Variants in TLL1 observed in about 807,000 individuals in gnomAD.
TLL1 encodes tolloid-like protein 1.
In TLL1, 49 loss-of-function variants were observed where a neutral mutation model predicts 128.2. The ratio of observed to expected loss-of-function variants is 0.38; its 90% CI spans 0.30 to 0.48. The LOEUF (loss-of-function observed/expected upper bound fraction) is 0.48, where lower values mean the gene tolerates loss of function less well. Among genes scored for constraint, TLL1 ranks in the 20% least tolerant of loss-of-function variants. The probability of loss-of-function intolerance (pLI) is 0.96; values close to 1 mark genes in which losing one functional copy is unlikely to be tolerated. For synonymous variants in TLL1, 454 were observed against 418.8 expected, an observed-to-expected ratio of 1.08 and a Z score of -1.03; for missense variants, 1,123 against 1,242.0, an observed-to-expected ratio of 0.90 and a Z score of 1.44.
In TLL1 at chr4:166,065,298, A is replaced by G. The variant is rs1177621587; in HGVS notation, c.2008-385A>G. ...CTTTTTTATTATACATCAAGTATCC[A>G]TCTTTCTCTTTTAAAGTTACTAATG... On this transcript the variant is annotated intron_variant, in intron 15 of 20. Transcript: ENST00000061240. 2.0e-5 allele frequency among the ~76,000 whole-genome samples: 3 copies of G among 152,204 alleles called. No individual in the cohort carries two copies. In the East Asian group the frequency reaches 5.8e-4, roughly 29 times the overall value.
At chr4:165,992,683 T>G in intron 2 of TLL1, 121 bp from the exon 3 acceptor site, 1 of 880,190 alleles carries the variant, frequency 1.1e-6, no homozygotes, top group Non-Finnish European at 1.8e-6. Flanking sequence ...ATTCATAATT[T>G]CAACACTTTA....
Position 166,104,142 on chromosome 4 carries a change from A to AT in TLL1, c.*3271dup, listed in dbSNP as rs1742411664. Among the ~76,000 whole-genome samples, 1 of 151,888 alleles carries AT rather than the reference A, an allele frequency of 6.6e-6. No homozygotes were observed. Among genetic ancestry groups the AT allele is most frequent in the Admixed American group, 6.6e-5 (1 of 15,202 alleles). On this transcript the variant is annotated 3_prime_UTR_variant, in exon 21 of 21. Transcript: ENST00000061240. ...TTTATTTGGTTTGTAATACTGCTGTATTTTTGGTGGTAAGCTTCAAATATC... is the reference window on the plus strand; with the variant it reads ...TTTATTTGGTTTGTAATACTGCTGTATTTTTTGGTGGTAAGCTTCAAATATC...
In TLL1 at chr4:166,104,091, C is replaced by A. The variant is rs543622575; in HGVS notation, c.*3215C>A. 5.9e-5 allele frequency among the ~76,000 whole-genome samples: 9 copies of A among 151,818 alleles called. No homozygotes were observed. Among genetic ancestry groups the A allele is most frequent in the Non-Finnish European group, 8.8e-5 (6 of 67,832 alleles). ...AGTATGAGATTCAAATTCTGTTTAACTTTGTTTTAAAATAGCTTGGTCTCT... is the reference window on the plus strand; with the variant it reads ...AGTATGAGATTCAAATTCTGTTTAAATTTGTTTTAAAATAGCTTGGTCTCT... On this transcript the variant is annotated 3_prime_UTR_variant, in exon 21 of 21. Transcript: ENST00000061240.
intron 1 of TLL1, among the ~76,000 whole-genome samples, chr4:165,970,117 T>A (rs1399018401): frequency 6.6e-6 from 1 of 152,176 alleles, no homozygotes; most frequent in African/African-American, 2.4e-5. Context: ...GTAGAAGACC[T>A]CTTTTTTGAA....
rs745989598 is a variant in TLL1 at position 166,034,049 on chromosome 4, CTTAAA to C, written c.1159-5287_1159-5283del. 4.9e-4 allele frequency among the ~76,000 whole-genome samples: 74 copies of C among 152,154 alleles called. No homozygotes were observed. The Middle Eastern group carries it at 0.01, about 21-fold the overall frequency. On this transcript the variant is annotated intron_variant, in intron 9 of 20. Transcript: ENST00000061240. ...TGTATTTATATTGCCAAAGACATTGCTTAAATTTAGCAATTACTATTAAATTATTC... is the reference window on the plus strand; with the variant it reads ...TGTATTTATATTGCCAAAGACATTGCTTTAGCAATTACTATTAAATTATTC...
rs766152735 is a variant in TLL1 at position 165,989,373 on chromosome 4, T to C, written c.170-8T>C. On this transcript the variant is annotated splice_polypyrimidine_tract_variant and splice_region_variant and intron_variant, in intron 1 of 20. Transcript: ENST00000061240. ...TTTTACATTTTAATTCAACTTTTCT[T>C]TTTTTAGCTGTATTTTGGGGCGATA... The C allele has an allele frequency of 6.9e-6, 11 of 1,599,832 alleles. No homozygotes were observed. Among genetic ancestry groups the C allele is most frequent in the Non-Finnish European group, 6.8e-6 (8 of 1,168,388 alleles).
chr4:165,879,618 A>G (rs2110807909), intron 1 of TLL1, among the ~76,000 whole-genome samples: 1 of 152,218 alleles, frequency 6.6e-6, no homozygotes, highest in South Asian at 2.1e-4. Context: ...TGCTTAAAAT[A>G]TTTAAAACTA....
At chr4:165,883,302 T>A (rs1444723735) in intron 1 of TLL1, among the ~76,000 whole-genome samples, 2 of 152,174 alleles carry the variant, frequency 1.3e-5, no homozygotes, top group Non-Finnish European at 2.9e-5. Context: ...CTGCCTTTCA[T>A]TTCCTTTCTT....
chr4:166,068,258 A>G (rs1740662944), intron 16 of TLL1, among the ~76,000 whole-genome samples: 1 of 151,804 alleles, frequency 6.6e-6, no homozygotes, highest in East Asian at 1.9e-4. Context: ...TTGCTGTTGT[A>G]TTATCAAGAG....
chr4:166,100,101 G>A (rs1229758672), intron 20 of TLL1, among the ~76,000 whole-genome samples: 1 of 151,860 alleles, frequency 6.6e-6, no homozygotes, highest in Non-Finnish European at 1.5e-5. Flanking sequence ...AAAAACATAA[G>A]GTTTTCTCAG....
At chr4:166,099,221 AT>A in intron 19 of TLL1, 55 bp from the exon 20 acceptor site, 1 of 1,611,984 alleles carries the variant, frequency 6.2e-7, no homozygotes, top group Non-Finnish European at 8.5e-7. Context: ...TGAAATTTAA[AT>A]TGGACCCGTT....
chr4:165,990,530 T>A (rs1454966179), intron 2 of TLL1, among the ~76,000 whole-genome samples: 1 of 151,992 alleles, frequency 6.6e-6, no homozygotes, highest in African/African-American at 2.4e-5. Context: ...TGTAGAATAG[T>A]GGTATTCTTA....
At chr4:165,930,997 T>C (rs1225367916) in intron 1 of TLL1, among the ~76,000 whole-genome samples, 1 of 152,226 alleles carries the variant, frequency 6.6e-6, no homozygotes, top group Non-Finnish European at 1.5e-5. Context: ...TGTCAAGCAC[T>C]GTTCTAAGTA....
At chr4:165,936,206 A>ATATATTTT (rs765472596) in intron 1 of TLL1, among the ~76,000 whole-genome samples, 27 of 139,610 alleles carry the variant, frequency 1.9e-4, no homozygotes, top group African/African-American at 6.6e-4. Flanking sequence ...ATATATATAT[A>ATATATTTT]TTTTTTTTTC....
At chr4:165,947,257 T>C (rs1390295526) in intron 1 of TLL1, among the ~76,000 whole-genome samples, 1 of 152,038 alleles carries the variant, frequency 6.6e-6, no homozygotes, top group Non-Finnish European at 1.5e-5. Context: ...AGGATGCTAA[T>C]CCTATCAAAT....
chr4:166,032,902 A>T (rs1738837314), intron 9 of TLL1, among the ~76,000 whole-genome samples: 1 of 152,106 alleles, frequency 6.6e-6, no homozygotes, highest in Non-Finnish European at 1.5e-5. Context: ...ATAACTAAAG[A>T]TTCACCCCAC....
chr4:166,082,441 T>A (rs555793478), intron 18 of TLL1, among the ~76,000 whole-genome samples: 1 of 152,310 alleles, frequency 6.6e-6, no homozygotes, highest in East Asian at 1.9e-4. Flanking sequence ...TTTCTGCATG[T>A]AATGTAACTG....
Position 166,100,984 on chromosome 4 carries a change from C to T in TLL1, c.*108C>T. ...AAATGTTTTATACAAAGAGTTTGAA[C>T]AAAAAATCCCTGTAAGACCAGAATT... On this transcript the variant is annotated 3_prime_UTR_variant, in exon 21 of 21. Coordinates refer to ENST00000061240, the MANE Select transcript of TLL1 (RefSeq NM_012464.5). 4 of 1,396,794 alleles carry T rather than the reference C, an allele frequency of 2.9e-6. No individual in the cohort carries two copies. In the East Asian group the frequency reaches 1.0e-4, roughly 35 times the overall value. 86.5% of individuals were successfully genotyped at this position (1,396,794 alleles called of 1,614,324 possible).
At chr4:166,048,157 A>C (rs1407763079) in intron 12 of TLL1, among the ~76,000 whole-genome samples, 4 of 150,864 alleles carry the variant, frequency 2.7e-5, no homozygotes, top group Non-Finnish European at 5.9e-5. Flanking sequence ...AATCGCTTGA[A>C]CCTGGGAGGC....
Sources: allele counts gnomAD v4.1 joint callset (sites outside exome capture counted in the v4.1 genomes callset), GRCh38; gene constraint gnomAD v4.1.1; transcripts MANE v1.5; gene names NCBI Gene and HGNC (gene_info 2026-07-23, HGNC 2026-07-21).